Variants in EHMT1 observed in about 807,000 individuals in gnomAD.
EHMT1 encodes euchromatic histone lysine methyltransferase 1.
In EHMT1, 15 loss-of-function variants were observed where a neutral mutation model predicts 147.2. That is an observed-to-expected ratio of 0.10 (90% CI 0.07 to 0.16). The LOEUF (loss-of-function observed/expected upper bound fraction) is 0.16, where lower values mean the gene tolerates loss of function less well. Ranked by LOEUF, EHMT1 falls within the 10% of genes least tolerant of loss-of-function variation. EHMT1 has a pLI of 1.00. For missense variants in EHMT1, 1,587 were observed against 1,772.4 expected (o/e 0.90, Z 1.88); for synonymous variants, 795 against 709.6 (o/e 1.12, Z -1.91).
intron 1 of EHMT1, among the ~76,000 whole-genome samples, chr9:137,697,969 C>T (rs542639852): frequency 6.6e-6 from 1 of 150,804 alleles, no homozygotes; most frequent in South Asian, 2.1e-4. Flanking sequence ...TCGCGGAGGC[C>T]TCACTCCCCA....
chr9:137,666,556 G>C (rs780125488), intron 1 of EHMT1, among the ~76,000 whole-genome samples: 101 of 152,370 alleles, frequency 6.6e-4, no homozygotes, highest in Non-Finnish European at 1.0e-3. Context: ...GGCAAGGGCT[G>C]GCCGTGCCAC....
At chr9:137,687,653 G>A (rs1249877326) in intron 1 of EHMT1, among the ~76,000 whole-genome samples, 3 of 152,168 alleles carry the variant, frequency 2.0e-5, no homozygotes, top group Non-Finnish European at 4.4e-5. Context: ...AAGAGGCTTG[G>A]GAGAGACTCC....
chr9:137,738,743 AG>A (rs2135964252), intron 4 of EHMT1: 1 of 152,326 alleles, frequency 6.6e-6, no homozygotes, highest in Admixed American at 6.5e-5. Context: ...CCCGCGCTGC[AG>A]CGTGGATGAG....
chr9:137,792,083 A>G (rs1224335019), intron 16 of EHMT1: 2 of 469,772 alleles, frequency 4.3e-6, no homozygotes, highest in Non-Finnish European at 8.8e-6. Flanking sequence ...GTTTATACGG[A>G]GTCTCAAGAG....
chr9:137,784,299 G>T, intron 15 of EHMT1: 1 of 1,432,876 alleles, frequency 7.0e-7, no homozygotes. Flanking sequence ...GAGAGGCGTG[G>T]CTCCATCTTC....
intron 1 of EHMT1, among the ~76,000 whole-genome samples, chr9:137,631,044 T>C (rs1324101762): frequency 6.6e-6 from 1 of 152,036 alleles, no homozygotes. Context: ...GATATAGGTG[T>C]TTAGATTTAA....
Position 137,659,370 on chromosome 9 carries a change from A to T in EHMT1, c.21+40321A>T, listed in dbSNP as rs201582236. ...CTGTGTATTATGAATATAGTCTCCTAGTTTGACAGTCCTTTTTGTATTTCT... is the reference window on the plus strand; with the variant it reads ...CTGTGTATTATGAATATAGTCTCCTTGTTTGACAGTCCTTTTTGTATTTCT... On this transcript the variant is annotated intron_variant, in intron 1 of 26. Coordinates refer to ENST00000460843, the MANE Select transcript of EHMT1 (RefSeq NM_024757.5). 3.3e-5 allele frequency among the ~76,000 whole-genome samples: 5 copies of T among 151,600 alleles called. No individual in the cohort carries two copies. The East Asian group carries it at 9.7e-4, about 29-fold the overall frequency.
intron 4 of EHMT1, chr9:137,742,927 C>A (rs1038690366): frequency 3.5e-5 from 9 of 255,168 alleles, no homozygotes; most frequent in African/African-American, 1.8e-4. Context: ...AGGCTGGGCT[C>A]TTCCTGCTCC....
At chr9:137,665,485 G>A (rs896724937) in intron 1 of EHMT1, among the ~76,000 whole-genome samples, 2 of 152,166 alleles carry the variant, frequency 1.3e-5, no homozygotes, top group Non-Finnish European at 2.9e-5. Context: ...CCGGTGGGAG[G>A]TGCGCATTGC....
rs529188258 is a variant in EHMT1, at chr9:137,782,478, G to C, written c.2382+81G>C. 7.4e-7 allele frequency: 1 copy of C among 1,343,392 alleles called. No individual in the cohort carries two copies. Among genetic ancestry groups the C allele is most frequent in the African/African-American group, 1.4e-5 (1 of 69,086 alleles). The allele number at this position is 1,343,392 out of a possible 1,614,324, so 83.2% of individuals were successfully genotyped here. On this transcript the variant is annotated intron_variant, in intron 15 of 26. Coordinates refer to ENST00000460843, the MANE Select transcript of EHMT1 (RefSeq NM_024757.5). This position sits in a 1 kb window ranked among gnomAD's most constrained non-coding sequence, Gnocchi z 5.7. ...CAAAGTAAAATCATACCACGTTCGC[G>C]GTTCTTCCAGTGTAAGAGTTCCGTA...
At chr9:137,792,681 G>C (rs1404881900) in intron 16 of EHMT1, among the ~76,000 whole-genome samples, 1 of 152,180 alleles carries the variant, frequency 6.6e-6, no homozygotes, top group East Asian at 1.9e-4. Context: ...CTCCAACCTG[G>C]GTGACAAGAG....
intron 1 of EHMT1, among the ~76,000 whole-genome samples, chr9:137,622,071 C>G (rs1008943057): frequency 6.7e-6 from 1 of 150,368 alleles, no homozygotes; most frequent in Non-Finnish European, 1.5e-5. Context: ...CCCATTAACT[C>G]GTCATTTAGC....
In EHMT1 at chr9:137,798,957, G is replaced by A. The variant is rs1405395159; in HGVS notation, c.2607+43G>A. 5 of 1,500,152 alleles carry A rather than the reference G, an allele frequency of 3.3e-6. No individual in the cohort carries two copies. The South Asian group carries it at 4.5e-5, about 14-fold the overall frequency. The allele number at this position is 1,500,152 out of a possible 1,614,324, so 92.9% of individuals were successfully genotyped here. ...CCTTAGCAGTACACTGTGTGGACTG[G>A]CTACGGAAACTCACTGTTCTGCAGC... is the stretch of plus-strand genomic sequence containing the variant. On this transcript the variant is annotated intron_variant, in intron 17 of 26. Coordinates refer to ENST00000460843, the MANE Select transcript of EHMT1 (RefSeq NM_024757.5).
At chr9:137,687,810 C>A (rs768608885) in intron 1 of EHMT1, among the ~76,000 whole-genome samples, 2 of 152,160 alleles carry the variant, frequency 1.3e-5, no homozygotes, top group Non-Finnish European at 2.9e-5. Flanking sequence ...TGGGTCTGTG[C>A]CACCCACATG....
Position 137,681,651 on chromosome 9 carries a change from G to T in EHMT1, c.22-29316G>T, listed in dbSNP as rs894137526. Among the ~76,000 whole-genome samples the T allele has an allele frequency of 2.0e-5, 3 of 152,004 alleles. No homozygotes were observed. In the South Asian group the frequency reaches 6.2e-4, roughly 32 times the overall value. On this transcript the variant is annotated intron_variant, in intron 1 of 26. Coordinates refer to ENST00000460843, the MANE Select transcript of EHMT1 (RefSeq NM_024757.5). ...CCCTTGTCCCCAGGAAGCCTCCCAC[G>T]CCCGTCCACTTTCTCTCCTGTCTCC...
At chr9:137,779,301 C>A (rs1009123925) in intron 13 of EHMT1, among the ~76,000 whole-genome samples, 4 of 152,250 alleles carry the variant, frequency 2.6e-5, no homozygotes, top group African/African-American at 9.6e-5. Context: ...CTGTGCTGAG[C>A]GTAGATGAGG....
At chr9:137,817,930 TA>T in intron 24 of EHMT1, 129 bp from the exon 25 acceptor site, 2 of 912,212 alleles carry the variant, frequency 2.2e-6, no homozygotes, top group Non-Finnish European at 3.6e-6. Context: ...CACACCTCTC[TA>T]AACATGTTCC....
intron 1 of EHMT1, among the ~76,000 whole-genome samples, chr9:137,658,218 T>C (rs956690253): frequency 1.3e-5 from 2 of 152,224 alleles, no homozygotes; most frequent in African/African-American, 4.8e-5. Flanking sequence ...CGGCATGATC[T>C]TGTCTCACTG....
At chr9:137,655,591 C>T (rs561768149) in intron 1 of EHMT1, among the ~76,000 whole-genome samples, 1 of 152,324 alleles carries the variant, frequency 6.6e-6, no homozygotes, top group South Asian at 2.1e-4. Context: ...AAACTCCAGG[C>T]TGTGGAGTGC....
Sources: gnomAD v4.1 joint callset for allele counts (sites outside exome capture counted in the v4.1 genomes callset) on GRCh38, gnomAD v4.1.1 for gene constraint, Gnocchi (gnomAD v3.1) non-coding constraint, MANE v1.5 for transcripts, NCBI Gene and HGNC (gene_info 2026-07-23, HGNC 2026-07-21) for gene names.